Variants in LRRTM4 observed in about 807,000 individuals in gnomAD.
The protein encoded by LRRTM4 is leucine-rich repeat transmembrane neuronal protein 4.
In LRRTM4, 25 loss-of-function variants were observed where a neutral mutation model predicts 47.6. The observed-to-expected ratio is 0.53, with a 90% confidence interval of 0.38 to 0.73. The LOEUF is 0.73. Among genes scored for constraint, LRRTM4 ranks in the 30% least tolerant of loss-of-function variants. The pLI is 0.00. For missense variants in LRRTM4, 638 were observed against 713.4 expected (o/e 0.89, Z 1.20); for synonymous variants, 311 against 269.5 (o/e 1.15, Z -1.51).
In LRRTM4 at chr2:76,866,709, T is replaced by A. The variant is rs1672479793; in HGVS notation, c.1552-117793A>T. Among the ~76,000 whole-genome samples the A allele has an allele frequency of 2.0e-5, 3 of 152,308 alleles. No individual in the cohort carries two copies. The South Asian group carries it at 6.2e-4, about 32-fold the overall frequency. ...AAAAACAAGCATTAGGTTTCCATGA[T>A]GTATATGTGTCACATTTTCTTTACC... is the stretch of plus-strand genomic sequence containing the variant. On this transcript the variant is annotated intron_variant, in intron 3 of 3. Transcript: ENST00000409884.
At chr2:77,043,395 T>C (rs2103747307) in intron 3 of LRRTM4, among the ~76,000 whole-genome samples, 1 of 151,884 alleles carries the variant, frequency 6.6e-6, no homozygotes, top group East Asian at 1.9e-4. Context: ...AGTATTGTCC[T>C]CCAACTATAA....
chr2:77,243,836 T>C (rs1675344143), intron 3 of LRRTM4, among the ~76,000 whole-genome samples: 1 of 146,640 alleles, frequency 6.8e-6, no homozygotes, highest in Non-Finnish European at 1.5e-5. Context: ...TAGTTACATA[T>C]GTATACATGT....
At chr2:77,445,028 G>T (rs1397614546) in intron 3 of LRRTM4, among the ~76,000 whole-genome samples, 1 of 148,834 alleles carries the variant, frequency 6.7e-6, no homozygotes, top group Non-Finnish European at 1.5e-5. Context: ...GGTGATTTTT[G>T]CAGGGAAATA....
chr2:76,958,115 G>A (rs77391727), intron 3 of LRRTM4, among the ~76,000 whole-genome samples: 5,669 of 151,678 alleles, frequency 0.037, 240 homozygotes, highest in East Asian at 0.14. Flanking sequence ...AAATTCCATG[G>A]AATACAACAT....
At chr2:77,052,117 A>G (rs1261797455) in intron 3 of LRRTM4, among the ~76,000 whole-genome samples, 1 of 150,944 alleles carries the variant, frequency 6.6e-6, no homozygotes, top group Admixed American at 6.6e-5. Context: ...ATTCCTGGGA[A>G]AAGGAATGCA....
chr2:77,448,242 T>G (rs1486620608), intron 3 of LRRTM4, among the ~76,000 whole-genome samples: 1 of 149,734 alleles, frequency 6.7e-6, no homozygotes, highest in African/African-American at 2.6e-5. Context: ...CTCAGTAGGT[T>G]CTGACCTCCT....
chr2:77,129,939 G>A (rs373257919), intron 3 of LRRTM4, among the ~76,000 whole-genome samples: 189 of 152,256 alleles, frequency 1.2e-3, no homozygotes, highest in African/African-American at 4.1e-3. Flanking sequence ...AGAGAGTGAC[G>A]TGCCTAAAAA....
intron 3 of LRRTM4, among the ~76,000 whole-genome samples, chr2:77,222,481 G>C (rs1480214221): frequency 6.6e-6 from 1 of 152,148 alleles, no homozygotes; most frequent in Admixed American, 6.5e-5. Context: ...AAGAAGAAAA[G>C]AGAGAAGAAT....
At chr2:76,767,402 A>G (rs1673499116) in intron 3 of LRRTM4, among the ~76,000 whole-genome samples, 2 of 152,340 alleles carry the variant, frequency 1.3e-5, no homozygotes, top group South Asian at 4.1e-4. Context: ...CAGCAATGCT[A>G]TAATTCGGGT....
chr2:77,136,361 A>C (rs1332617148), intron 3 of LRRTM4, among the ~76,000 whole-genome samples: 1 of 152,204 alleles, frequency 6.6e-6, no homozygotes, highest in African/African-American at 2.4e-5. Context: ...ATACCCAGGC[A>C]AACAGGGTCT....
At chr2:77,223,144 G>GA (rs1200962017) in intron 3 of LRRTM4, among the ~76,000 whole-genome samples, 12 of 152,204 alleles carry the variant, frequency 7.9e-5, no homozygotes, top group African/African-American at 2.6e-4. Flanking sequence ...AAAGGCCTTT[G>GA]AAAAAATTCA....
chr2:77,402,663 G>GT (rs912678117), intron 3 of LRRTM4, among the ~76,000 whole-genome samples: 7 of 151,806 alleles, frequency 4.6e-5, no homozygotes, highest in Admixed American at 1.3e-4. Flanking sequence ...GTTCCTTTAC[G>GT]TTTTTTTGTT....
intron 3 of LRRTM4, among the ~76,000 whole-genome samples, chr2:77,470,650 G>A (rs1457580390): frequency 6.6e-6 from 1 of 152,022 alleles, no homozygotes. Context: ...GGTGAATTCT[G>A]ATCAGAATTA....
chr2:76,968,336 G>GTA (rs1407955668), intron 3 of LRRTM4, among the ~76,000 whole-genome samples: 6 of 96,094 alleles, frequency 6.2e-5, no homozygotes, highest in Non-Finnish European at 1.2e-4. Context: ...AAGTGTGTAT[G>GTA]TGTGTATATA....
intron 3 of LRRTM4, among the ~76,000 whole-genome samples, chr2:77,384,907 C>T (rs1673204138): frequency 6.6e-6 from 1 of 151,946 alleles, no homozygotes; most frequent in African/African-American, 2.4e-5. Context: ...TCATGTTATA[C>T]AAATATGCTA....
intron 3 of LRRTM4, among the ~76,000 whole-genome samples, chr2:77,019,567 C>G (rs1174781398): frequency 6.6e-6 from 1 of 152,106 alleles, no homozygotes; most frequent in Non-Finnish European, 1.5e-5. Flanking sequence ...ATCCTTAGCA[C>G]AATACCTGGC....
chr2:77,438,446 G>T (rs1324375232), intron 3 of LRRTM4, among the ~76,000 whole-genome samples: 3 of 121,266 alleles, frequency 2.5e-5, no homozygotes, highest in Non-Finnish European at 4.7e-5. Flanking sequence ...TCGCTCTGTC[G>T]CCCAGGCTGG....
chr2:77,305,436 A>G (rs1009195205), intron 3 of LRRTM4, among the ~76,000 whole-genome samples: 1 of 152,112 alleles, frequency 6.6e-6, no homozygotes, highest in Admixed American at 6.5e-5. Context: ...TAAAAAGTTG[A>G]TTATACAAAA....
intron 3 of LRRTM4, among the ~76,000 whole-genome samples, chr2:77,162,930 A>G (rs1672772911): frequency 6.6e-6 from 1 of 152,230 alleles, no homozygotes; most frequent in African/African-American, 2.4e-5. Context: ...CTCCAAAGGA[A>G]TGCAGCTCCT....
Sources: allele counts gnomAD v4.1 joint callset (sites outside exome capture counted in the v4.1 genomes callset), GRCh38; gene constraint gnomAD v4.1.1; transcripts MANE v1.5; gene names NCBI Gene and HGNC (gene_info 2026-07-23, HGNC 2026-07-21).